The following ALOX12B variants were observed in gnomAD, a reference collection of about 807,000 sequenced individuals.
ALOX12B encodes the protein arachidonate 12-lipoxygenase, 12R type, also known as arachidonate 12-lipoxygenase, 12R-type.
In ALOX12B, 47 loss-of-function variants were observed where a neutral mutation model predicts 78.9. The observed-to-expected ratio is 0.60, with a 90% CI of 0.47 to 0.76. ALOX12B has a LOEUF of 0.76. Ranked by LOEUF, ALOX12B falls within the 30% of genes least tolerant of loss-of-function variation. The pLI is 0.00. For synonymous variants in ALOX12B, 370 were observed against 374.5 expected, an observed-to-expected ratio of 0.99 and a Z score of 0.14; for missense variants, 805 against 922.6, an observed-to-expected ratio of 0.87 and a Z score of 1.65.
chr17:8,073,029 C>A (rs1306767511), intron 14 of ALOX12B, 79 bp from the exon 15 acceptor site: 4 of 1,597,638 alleles, frequency 2.5e-6, no homozygotes, highest in Non-Finnish European at 3.4e-6. Context: ...GGCCCCTCCA[C>A]CCTTTGGTTT....
intron 1 of ALOX12B, among the ~76,000 whole-genome samples, chr17:8,086,424 C>G (rs1978298679): frequency 1.3e-5 from 2 of 152,170 alleles, no homozygotes; most frequent in African/African-American, 4.8e-5. Flanking sequence ...ATTCCTCTAC[C>G]CAGGGCTATG....
intron 10 of ALOX12B, 120 bp from the exon 11 acceptor site, chr17:8,076,464 C>T: frequency 7.5e-7 from 1 of 1,338,608 alleles, no homozygotes. Flanking sequence ...CCTCCAGGAA[C>T]AATCCTGCTC....
In ALOX12B at chr17:8,081,138, T is replaced by C; in HGVS notation, c.402A>G (p.Lys134=). ...AGTCCTGCTTGGCTCTGATCTCCTC[T>C]TTTCTGTGCTCCAGGAGGACGGGGA... The part of the protein sequence containing the change: ...DSLPVLLEHR[K]EEIRAKQDFY... Residue 134 remains lysine, a synonymous_variant, in exon 3 of 15, where the codon AAA becomes AAG. Coordinates refer to ENST00000647874, the MANE Select transcript of ALOX12B (RefSeq NM_001139.3). 5 of 1,613,796 alleles carry C rather than the reference T, an allele frequency of 3.1e-6. No individual in the cohort carries two copies. The highest frequency in any genetic ancestry group is 4.2e-6 in the Non-Finnish European group (5 of 1,179,976).
rs142246997 is a variant in ALOX12B at position 8,079,477 on chromosome 17, G to T, written c.990C>A (p.Ser330Arg). 2.6e-6 allele frequency: 4 copies of T among 1,550,994 alleles called. No individual in the cohort carries two copies. The highest frequency in any genetic ancestry group is 2.7e-5 in the African/African-American group (2 of 73,202). Reference protein sequence around the residue: ...IMEGIPTVELSGRKQHHCAPL... With the variant: ...IMEGIPTVELRGRKQHHCAPL... ...GGGCGCAGTGGTGCTGCTTCCGGCCGCTGAGCTCCACGGTGGGGATGCCCT... is the reference window on the plus strand; with the variant it reads ...GGGCGCAGTGGTGCTGCTTCCGGCCTCTGAGCTCCACGGTGGGGATGCCCT... The change falls in exon 8 of 15, where the codon AGC (serine) becomes AGA (arginine). Residue 330 changes from serine (S) to arginine (R), a missense_variant. By Grantham distance (110) the Ser-to-Arg change is moderately radical (BLOSUM62 -1). Coordinates refer to ENST00000647874, the MANE Select transcript of ALOX12B (RefSeq NM_001139.3). The surrounding 1 kb of genome is among the most constrained non-coding windows in gnomAD (Gnocchi z 6.4).
Position 8,079,274 on chromosome 17 carries a change from C to A in ALOX12B, c.1071+122G>T. 7.0e-7 allele frequency: 1 copy of A among 1,419,512 alleles called. No individual in the cohort carries two copies. The highest frequency in any genetic ancestry group is 1.4e-5 in the South Asian group (1 of 72,508). 87.9% of individuals were successfully genotyped at this position (1,419,512 alleles called of 1,614,324 possible). ...CGGGGAGGTCCTGGAACCAATCTCT[C>A]AAGGATAACGAGAGACGGCTGAATA... On this transcript the variant is annotated intron_variant, in intron 8 of 14. Coordinates refer to ENST00000647874, the MANE Select transcript of ALOX12B (RefSeq NM_001139.3). The surrounding 1 kb of genome is among the most constrained non-coding windows in gnomAD (Gnocchi z 6.4).
Position 8,079,275 on chromosome 17 carries a change from A to G in ALOX12B, c.1071+121T>C, listed in dbSNP as rs1193836053. The G allele has an allele frequency of 1.6e-5, 23 of 1,403,020 alleles. No homozygotes were observed. The highest frequency in any genetic ancestry group is 2.2e-5 in the Non-Finnish European group (23 of 1,045,706). 86.9% of individuals were successfully genotyped at this position (1,403,020 alleles called of 1,614,324 possible). On this transcript the variant is annotated intron_variant, in intron 8 of 14. Coordinates refer to ENST00000647874, the MANE Select transcript of ALOX12B (RefSeq NM_001139.3). The surrounding 1 kb of genome is among the most constrained non-coding windows in gnomAD (Gnocchi z 6.4). ...GGGGAGGTCCTGGAACCAATCTCTC[A>G]AGGATAACGAGAGACGGCTGAATAC...
At chr17:8,085,555 G>C (rs543905589) in intron 2 of ALOX12B, among the ~76,000 whole-genome samples, 12 of 152,308 alleles carry the variant, frequency 7.9e-5, no homozygotes, top group Admixed American at 7.2e-4. Flanking sequence ...TGGAATAATG[G>C]GGCATCCTGT....
rs1598180192 is a variant in ALOX12B, at chr17:8,079,261, G to A, written c.1071+135C>T. The A allele has an allele frequency of 1.5e-6, 2 of 1,347,116 alleles. No homozygotes were observed. The highest frequency in any genetic ancestry group is 5.2e-5 in the East Asian group (2 of 38,496). 83.4% of individuals were successfully genotyped at this position (1,347,116 alleles called of 1,614,324 possible). ...GATTTTGGCATCCCGGGGAGGTCCT[G>A]GAACCAATCTCTCAAGGATAACGAG... On this transcript the variant is annotated intron_variant, in intron 8 of 14. Coordinates refer to ENST00000647874, the MANE Select transcript of ALOX12B (RefSeq NM_001139.3). The surrounding 1 kb of genome is among the most constrained non-coding windows in gnomAD (Gnocchi z 6.4).
At chr17:8,081,388 C>T in intron 2 of ALOX12B, 3 of 652,280 alleles carry the variant, frequency 4.6e-6, no homozygotes, top group Non-Finnish European at 8.5e-6. Context: ...CCTCTTTCCT[C>T]TTGCTCTACT....
chr17:8,074,992 C>T (rs762394136), intron 12 of ALOX12B, among the ~76,000 whole-genome samples: 2 of 152,212 alleles, frequency 1.3e-5, no homozygotes, highest in South Asian at 2.1e-4. Flanking sequence ...CCTGTCTTCT[C>T]TCCACTACCC....
intron 8 of ALOX12B, among the ~76,000 whole-genome samples, 172 bp from the exon 9 acceptor site, chr17:8,077,365 C>A (rs550240640): frequency 8.1e-4 from 123 of 152,342 alleles, no homozygotes; most frequent in Non-Finnish European, 1.5e-3. Flanking sequence ...CACATTTGAT[C>A]TTGCTGTTCC....
In ALOX12B at chr17:8,080,911, C is replaced by T. The variant is rs1977202889; in HGVS notation, c.500G>A (p.Arg167Gln). ...AGGCCGGTTGGGGTTGCGATGCCTCCGCACCGGAGGGCGGTAACTGGGAAT... is the reference window on the plus strand; with the variant it reads ...AGGCCGGTTGGGGTTGCGATGCCTCTGCACCGGAGGGCGGTAACTGGGAAT... Reference protein sequence around the residue: ...VHIPSYRPPVRRHRNPNRPEW... With the variant: ...VHIPSYRPPVQRHRNPNRPEW... Residue 167 changes from arginine to glutamine, a missense_variant, in exon 4 of 15, where the codon CGG (arginine) becomes CAG (glutamine). By Grantham distance (43) the Arg-to-Gln change is conservative. Transcript: ENST00000647874. This position sits in a 1 kb window ranked among gnomAD's most constrained non-coding sequence, Gnocchi z 4.8. The T allele has an allele frequency of 6.2e-7, 1 of 1,613,782 alleles. No homozygotes were observed.
At chr17:8,086,302 G>C (rs1438646802) in intron 1 of ALOX12B, 82 bp from the exon 2 acceptor site, 1 of 1,403,552 alleles carries the variant, frequency 7.1e-7, no homozygotes, top group Non-Finnish European at 9.9e-7. Flanking sequence ...CCCTCACCTA[G>C]GCCCTGCTCA....
chr17:8,085,275 G>A (rs1978293107), intron 2 of ALOX12B, among the ~76,000 whole-genome samples: 2 of 151,864 alleles, frequency 1.3e-5, no homozygotes, highest in Non-Finnish European at 2.9e-5. Flanking sequence ...GAGTTCAGGA[G>A]TTTGAGACCA....
chr17:8,080,504 G>A lies in ALOX12B; in HGVS notation c.650+154C>T, dbSNP rs1350618285. On this transcript the variant is annotated intron_variant, in intron 5 of 14. Transcript: ENST00000647874. This position sits in a 1 kb window ranked among gnomAD's most constrained non-coding sequence, Gnocchi z 4.8. ...AGATCTTTGCATCTCTAGGTCTCTGGGATCATGTCTCAGGTTTTCTGGGTC... is the reference window on the plus strand; with the variant it reads ...AGATCTTTGCATCTCTAGGTCTCTGAGATCATGTCTCAGGTTTTCTGGGTC... The A allele has an allele frequency of 7.1e-7, 1 of 1,403,444 alleles. No homozygotes were observed. Among genetic ancestry groups the A allele is most frequent in the Non-Finnish European group, 1.0e-6 (1 of 1,003,252 alleles). 86.9% of individuals were successfully genotyped at this position (1,403,444 alleles called of 1,614,324 possible).
chr17:8,073,751 G>GTTC lies in ALOX12B; in HGVS notation c.1660_1661insGAA (p.Pro554delinsArgThr). ...CTCAGGCACGGTTCGCAAGCACCTA[G>GTTC]GGAAGCCTGACCGGCGGGGGAAAAG... is the stretch of plus-strand genomic sequence containing the variant. On this transcript the variant is annotated protein_altering_variant, in exon 13 of 15. Transcript: ENST00000647874. The GTTC allele has an allele frequency of 6.2e-7, 1 of 1,613,916 alleles. No individual in the cohort carries two copies. Among genetic ancestry groups the GTTC allele is most frequent in the Non-Finnish European group, 8.5e-7 (1 of 1,179,886 alleles).
At position 8,087,623 on chromosome 17, in the gene ALOX12B, G is replaced by A. The variant is rs922766750; in HGVS notation, c.-181C>T. ...GGCCTGCCAGCCAAATTCTGGAAAA[G>A]CTGCTGCCCTTGGTGGCCGGGGTGG... is the stretch of plus-strand genomic sequence containing the variant. On this transcript the variant is annotated 5_prime_UTR_variant, in exon 1 of 15. Coordinates refer to ENST00000647874, the MANE Select transcript of ALOX12B (RefSeq NM_001139.3). 7 of 1,066,494 alleles carry A rather than the reference G, an allele frequency of 6.6e-6. No homozygotes were observed. Among genetic ancestry groups the A allele is most frequent in the East Asian group, 2.6e-5 (1 of 38,272 alleles). The allele number at this position is 1,066,494 out of a possible 1,614,324, so 66.1% of individuals were successfully genotyped here.
intron 8 of ALOX12B, among the ~76,000 whole-genome samples, chr17:8,078,857 CAAG>C (rs984868787): frequency 6.6e-6 from 1 of 150,606 alleles, no homozygotes; most frequent in African/African-American, 2.4e-5. Context: ...TCCCAACACA[CAAG>C]AAGATGTGTG....
intron 11 of ALOX12B, 112 bp from the exon 12 acceptor site, chr17:8,075,828 C>G: frequency 6.4e-7 from 1 of 1,574,546 alleles, no homozygotes; most frequent in Non-Finnish European, 8.7e-7. Context: ...AGAGCTGCCC[C>G]AGGCCTGTGG....
Sources: gnomAD v4.1 joint callset for allele counts (sites outside exome capture counted in the v4.1 genomes callset) on GRCh38, gnomAD v4.1.1 for gene constraint, Gnocchi (gnomAD v3.1) non-coding constraint, MANE v1.5 for transcripts, NCBI Gene and HGNC (gene_info 2026-07-23, HGNC 2026-07-21) for gene names.